RORA: variants seen among roughly 807,000 people sequenced by gnomAD.
The protein encoded by RORA is RAR related orphan receptor A, also known as nuclear receptor ROR-alpha.
RORA carries 7 observed loss-of-function variants against 69.5 expected under a neutral mutation model. The observed-to-expected ratio is 0.10, with a 90% CI of 0.06 to 0.19. The LOEUF is 0.19. Ranked by LOEUF, RORA falls within the 10% of genes least tolerant of loss-of-function variation. The probability of loss-of-function intolerance (pLI) is 1.00; values close to 1 mark genes in which losing one functional copy is unlikely to be tolerated. For synonymous variants in RORA, 261 were observed against 240.8 expected (o/e 1.08, Z -0.78); for missense variants, 457 against 663.0 (o/e 0.69, Z 3.41).
At chr15:61,065,896 C>A (rs2078250792) in intron 1 of RORA, among the ~76,000 whole-genome samples, 1 of 152,168 alleles carries the variant, frequency 6.6e-6, no homozygotes, top group African/African-American at 2.4e-5. Context: ...CCATTCTACC[C>A]CAAAAGCAGG....
chr15:60,922,255 GT>G (rs1892070902), intron 1 of RORA, among the ~76,000 whole-genome samples: 1 of 152,160 alleles, frequency 6.6e-6, no homozygotes, highest in South Asian at 2.1e-4. Flanking sequence ...GTAGATACAT[GT>G]GTTTATAAAT....
intron 1 of RORA, among the ~76,000 whole-genome samples, chr15:60,700,811 G>T (rs2070971333): frequency 6.6e-6 from 1 of 152,048 alleles, no homozygotes; most frequent in South Asian, 2.1e-4. Flanking sequence ...TATCCTTCAA[G>T]ATCCAAAGCA....
chr15:61,106,802 C>T (rs895969117), intron 1 of RORA, among the ~76,000 whole-genome samples: 1 of 152,116 alleles, frequency 6.6e-6, no homozygotes, highest in Non-Finnish European at 1.5e-5. Flanking sequence ...AATCTTCTGC[C>T]GCAGGTTTAA....
Position 61,095,326 on chromosome 15 carries a change from C to T in RORA, c.166+133727G>A, listed in dbSNP as rs573749227. 1.3e-3 allele frequency among the ~76,000 whole-genome samples: 195 copies of T among 152,022 alleles called. 2 individuals carry two copies. Among genetic ancestry groups the T allele is most frequent in the African/African-American group, 3.9e-3 (160 of 41,460 alleles). ...ATACTTACAGTAGGAATTTATTTACCAAAAATATATTTTTTAAAATACCTA... is the reference window on the plus strand; with the variant it reads ...ATACTTACAGTAGGAATTTATTTACTAAAAATATATTTTTTAAAATACCTA... On this transcript the variant is annotated intron_variant, in intron 1 of 10. Coordinates refer to ENST00000335670, the MANE Select transcript of RORA (RefSeq NM_134261.3).
chr15:60,545,176 T>A (rs2140369085), intron 2 of RORA: 1 of 152,218 alleles, frequency 6.6e-6, no homozygotes, highest in Admixed American at 6.5e-5. Context: ...AAAATTAAAG[T>A]TTAGAAAAAA....
intron 1 of RORA, among the ~76,000 whole-genome samples, chr15:60,944,429 G>A (rs1233919816): frequency 6.6e-6 from 1 of 152,050 alleles, no homozygotes; most frequent in East Asian, 1.9e-4. Context: ...ACAATAAGCA[G>A]CACGGAGCGA....
chr15:60,942,927 G>C (rs1200092467), intron 1 of RORA, among the ~76,000 whole-genome samples: 1 of 152,236 alleles, frequency 6.6e-6, no homozygotes, highest in East Asian at 1.9e-4. Flanking sequence ...AGCCCTGTTA[G>C]AGTTGAAATT....
chr15:60,808,709 A>T (rs2072696100), intron 1 of RORA, among the ~76,000 whole-genome samples: 2 of 149,278 alleles, frequency 1.3e-5, no homozygotes, highest in Admixed American at 1.3e-4. Context: ...ATATGTTTAT[A>T]ATATATAAAA....
rs2078749047 is a variant in RORA at position 61,093,893 on chromosome 15, A to C, written c.166+135160T>G. ...GGCACATACTGAACGAAAAGGAAAC[A>C]ATGTCTGCCATGTCAATGACCTAAA... On this transcript the variant is annotated intron_variant, in intron 1 of 10. Coordinates refer to ENST00000335670, the MANE Select transcript of RORA (RefSeq NM_134261.3). Among the ~76,000 whole-genome samples the C allele has an allele frequency of 3.3e-5, 5 of 152,240 alleles. No individual in the cohort carries two copies. The South Asian group carries it at 1.0e-3, about 32-fold the overall frequency.
intron 1 of RORA, among the ~76,000 whole-genome samples, chr15:60,758,202 G>A (rs1365113533): frequency 1.3e-5 from 2 of 152,084 alleles, no homozygotes; most frequent in African/African-American, 4.8e-5. Flanking sequence ...CCTGGCACAG[G>A]GTGAATGCTC....
At position 60,897,295 on chromosome 15, in the gene RORA, G is replaced by A. The variant is rs1272345124; in HGVS notation, c.167-218609C>T. Among the ~76,000 whole-genome samples, 3 of 152,170 alleles carry A rather than the reference G, an allele frequency of 2.0e-5. No individual in the cohort carries two copies. The East Asian group carries it at 5.8e-4, about 29-fold the overall frequency. On this transcript the variant is annotated intron_variant, in intron 1 of 10. Transcript: ENST00000335670. ...CTGCCCTAACTTATTACATATCAGGGCCTTTCACTCATTATCTCAAAAATG... is the reference window on the plus strand; with the variant it reads ...CTGCCCTAACTTATTACATATCAGGACCTTTCACTCATTATCTCAAAAATG...
intron 2 of RORA, among the ~76,000 whole-genome samples, chr15:60,538,718 C>T (rs1394388316): frequency 3.9e-5 from 6 of 152,110 alleles, no homozygotes; most frequent in South Asian, 2.1e-4. Flanking sequence ...TTATCTAGGG[C>T]TTGTACGGTC....
intron 1 of RORA, among the ~76,000 whole-genome samples, chr15:60,924,347 A>AT (rs1892144325): frequency 2.2e-5 from 1 of 46,252 alleles, no homozygotes; most frequent in East Asian, 3.4e-4. Flanking sequence ...AAATGTTCTT[A>AT]TTGTATCACT....
intron 1 of RORA, among the ~76,000 whole-genome samples, chr15:61,086,917 A>C (rs1031988305): frequency 1.2e-4 from 18 of 152,192 alleles, no homozygotes; most frequent in African/African-American, 3.9e-4. Flanking sequence ...TCACGCCTGG[A>C]ATCTCAATGC....
intron 1 of RORA, among the ~76,000 whole-genome samples, chr15:60,845,809 C>T (rs929997881): frequency 9.9e-5 from 15 of 152,150 alleles, no homozygotes; most frequent in Admixed American, 6.5e-4. Flanking sequence ...TGCAGTGGTG[C>T]GATCTCCGCT....
intron 1 of RORA, among the ~76,000 whole-genome samples, chr15:60,940,822 G>T (rs1393958354): frequency 6.6e-6 from 1 of 152,182 alleles, no homozygotes; most frequent in Non-Finnish European, 1.5e-5. Context: ...AGCTACTCGG[G>T]AGGCTGAGGC....
intron 2 of RORA, among the ~76,000 whole-genome samples, chr15:60,638,914 T>A (rs2069888102): frequency 6.6e-6 from 1 of 152,188 alleles, no homozygotes; most frequent in South Asian, 2.1e-4. Context: ...TTTCCCCTTT[T>A]CTTAGCTCTT....
intron 1 of RORA, among the ~76,000 whole-genome samples, chr15:61,152,905 A>G (rs1006627983): frequency 6.6e-6 from 1 of 152,232 alleles, no homozygotes; most frequent in African/African-American, 2.4e-5. Flanking sequence ...CTTTAAATGT[A>G]GCTCACTGAA....
chr15:60,868,286 A>T (rs2073512102), intron 1 of RORA, among the ~76,000 whole-genome samples: 1 of 152,218 alleles, frequency 6.6e-6, no homozygotes, highest in African/African-American at 2.4e-5. Flanking sequence ...ACTTTGGCTC[A>T]CTTAGTTAAG....
Sources: allele counts gnomAD v4.1 joint callset (sites outside exome capture counted in the v4.1 genomes callset), GRCh38; gene constraint gnomAD v4.1.1; transcripts MANE v1.5; gene names NCBI Gene and HGNC (gene_info 2026-07-23, HGNC 2026-07-21).